The following CHCHD3 variants were observed in gnomAD, a reference collection of about 807,000 sequenced individuals.
CHCHD3 encodes MICOS complex subunit MIC19.
Under a neutral mutation model 38.2 loss-of-function variants are expected in CHCHD3, and 20 were observed. The ratio of observed to expected loss-of-function variants is 0.52; its 90% CI spans 0.37 to 0.76. The LOEUF is 0.76. Among genes scored for constraint, CHCHD3 ranks in the 30% least tolerant of loss-of-function variants. CHCHD3 has a pLI of 0.00. For missense variants in CHCHD3, 245 were observed against 279.2 expected (o/e 0.88, Z 0.87); for synonymous variants, 82 against 100.0 (o/e 0.82, Z 1.07).
intron 4 of CHCHD3, among the ~76,000 whole-genome samples, chr7:132,967,571 T>G (rs1811498068): frequency 6.6e-6 from 1 of 151,824 alleles, no homozygotes; most frequent in South Asian, 2.1e-4. Context: ...AGGGAGGATC[T>G]CCTGAGCACA....
At chr7:132,809,139 T>C (rs1158795040) in intron 6 of CHCHD3, among the ~76,000 whole-genome samples, 1 of 151,096 alleles carries the variant, frequency 6.6e-6, no homozygotes, top group African/African-American at 2.4e-5. Context: ...TTTTTTTTTT[T>C]TTGCTGAGAT....
rs150477596 is a variant in CHCHD3, at chr7:132,881,549, G to A, written c.453+4113C>T. ...CTCAGAATGATTCTGTAAAAGACTC[G>A]TTGATGCAACATCCCTCTCCATTAA... On this transcript the variant is annotated intron_variant, in intron 5 of 7. Transcript: ENST00000262570. Among the ~76,000 whole-genome samples the A allele has an allele frequency of 3.0e-3, 460 of 152,200 alleles. 1 individual carries two copies. Among genetic ancestry groups the A allele is most frequent in the African/African-American group, 0.01 (436 of 41,542 alleles).
intron 3 of CHCHD3, among the ~76,000 whole-genome samples, chr7:133,011,947 CAG>C (rs1812886703): frequency 6.6e-6 from 1 of 152,100 alleles, no homozygotes; most frequent in Admixed American, 6.5e-5. Context: ...TTAATTGAGA[CAG>C]AGTATTGCTC....
chr7:133,061,815 T>C (rs777925555), intron 2 of CHCHD3, among the ~76,000 whole-genome samples: 8 of 152,200 alleles, frequency 5.3e-5, no homozygotes, highest in Non-Finnish European at 1.0e-4. Flanking sequence ...AAGCATGCCA[T>C]AGCAATTCGG....
chr7:132,897,413 T>C (rs1030274599), intron 4 of CHCHD3, among the ~76,000 whole-genome samples: 5 of 152,222 alleles, frequency 3.3e-5, no homozygotes, highest in Admixed American at 2.0e-4. Flanking sequence ...TTGGGACCAA[T>C]TGGCCACTCA....
rs528603260 is a variant in CHCHD3, at chr7:132,990,161, G to A, written c.252-14875C>T. Reference sequence around the variant, plus strand: ...GCACTCCAACCTGGGAGACAAGAGCGAAACTCCATCTCAAAAAATAAATAA... The same window carrying A: ...GCACTCCAACCTGGGAGACAAGAGCAAAACTCCATCTCAAAAAATAAATAA... On this transcript the variant is annotated intron_variant, in intron 3 of 7. Coordinates refer to ENST00000262570, the MANE Select transcript of CHCHD3 (RefSeq NM_017812.4). Among the ~76,000 whole-genome samples the A allele has an allele frequency of 1.0e-3, 158 of 152,250 alleles. 2 individuals are homozygous for A. In the South Asian group the frequency reaches 0.016, roughly 16 times the overall value.
chr7:132,886,508 C>T lies in CHCHD3; in HGVS notation c.370-763G>A, dbSNP rs2117176946. 2.0e-5 allele frequency among the ~76,000 whole-genome samples: 3 copies of T among 151,556 alleles called. 1 individual carries two copies. In the South Asian group the frequency reaches 6.2e-4, roughly 32 times the overall value. ...TATCTTGAATATTATGTTTAATTGG[C>T]CTTTATCTCTGAGGGATGAGACTTT... is the stretch of plus-strand genomic sequence containing the variant. On this transcript the variant is annotated intron_variant, in intron 4 of 7. Coordinates refer to ENST00000262570, the MANE Select transcript of CHCHD3 (RefSeq NM_017812.4).
At chr7:132,816,184 C>T (rs984219752) in intron 6 of CHCHD3, among the ~76,000 whole-genome samples, 1 of 152,154 alleles carries the variant, frequency 6.6e-6, no homozygotes, top group Non-Finnish European at 1.5e-5. Flanking sequence ...ACAAAATCCA[C>T]AGTTTCTGAA....
chr7:132,868,789 C>G (rs1808693681), intron 5 of CHCHD3, among the ~76,000 whole-genome samples: 1 of 152,144 alleles, frequency 6.6e-6, no homozygotes, highest in Non-Finnish European at 1.5e-5. Flanking sequence ...TTAACCAGGA[C>G]TATTCACAAT....
chr7:132,945,285 C>A (rs982287560), intron 4 of CHCHD3, among the ~76,000 whole-genome samples: 1 of 151,812 alleles, frequency 6.6e-6, no homozygotes, highest in African/African-American at 2.4e-5. Flanking sequence ...AACATTAAAA[C>A]AATTAATTAA....
chr7:133,032,774 A>C lies in CHCHD3; in HGVS notation c.170-8147T>G, dbSNP rs377525316. On this transcript the variant is annotated intron_variant, in intron 2 of 7. Coordinates refer to ENST00000262570, the MANE Select transcript of CHCHD3 (RefSeq NM_017812.4). The stretch of plus-strand genomic sequence containing the variant: ...TCTTAATATTCTGAATAATAGTTGC[A>C]AGATCTCACACAGCCTCCAGGAAAA... Among the ~76,000 whole-genome samples the C allele has an allele frequency of 1.4e-4, 22 of 152,322 alleles. No homozygotes were observed. The East Asian group carries it at 2.7e-3, about 19-fold the overall frequency.
At chr7:132,881,544 G>C (rs1809057475) in intron 5 of CHCHD3, among the ~76,000 whole-genome samples, 2 of 152,116 alleles carry the variant, frequency 1.3e-5, no homozygotes, top group African/African-American at 4.8e-5. Context: ...TTCTGTAAAA[G>C]ACTCGTTGAT....
At chr7:132,965,249 C>T (rs1811431788) in intron 4 of CHCHD3, among the ~76,000 whole-genome samples, 1 of 152,060 alleles carries the variant, frequency 6.6e-6, no homozygotes, top group Admixed American at 6.5e-5. Flanking sequence ...AACAACAAAA[C>T]TAAATTTGCT....
chr7:132,915,282 GGGACA>G (rs1467746114), intron 4 of CHCHD3, among the ~76,000 whole-genome samples: 6 of 152,190 alleles, frequency 3.9e-5, no homozygotes, highest in African/African-American at 9.7e-5. Context: ...CATGGGGTCA[GGGACA>G]GGACAACTGG....
intron 4 of CHCHD3, among the ~76,000 whole-genome samples, chr7:132,919,100 CTTT>C (rs5887600): frequency 1.4e-5 from 1 of 69,492 alleles, no homozygotes; most frequent in African/African-American, 5.8e-5. Flanking sequence ...TGGGTTTATT[CTTT>C]TTTTTTTTTT....
intron 4 of CHCHD3, chr7:132,886,841 T>G (rs1809229905): frequency 2.2e-6 from 1 of 458,482 alleles, no homozygotes; most frequent in Non-Finnish European, 3.5e-6. Flanking sequence ...ATCCTTGTGC[T>G]ATTTCACCAA....
intron 4 of CHCHD3, among the ~76,000 whole-genome samples, chr7:132,901,365 C>T (rs1398656170): frequency 6.6e-6 from 1 of 152,174 alleles, no homozygotes; most frequent in Non-Finnish European, 1.5e-5. Context: ...AGCAACAGCG[C>T]ACACAAGATA....
At chr7:133,011,206 T>C (rs1466096660) in intron 3 of CHCHD3, among the ~76,000 whole-genome samples, 1 of 152,150 alleles carries the variant, frequency 6.6e-6, no homozygotes, top group Non-Finnish European at 1.5e-5. Context: ...TGTGTAACAA[T>C]AGGTAGAGGA....
chr7:132,993,020 A>G (rs892194049), intron 3 of CHCHD3, among the ~76,000 whole-genome samples: 2 of 152,200 alleles, frequency 1.3e-5, no homozygotes, highest in African/African-American at 2.4e-5. Context: ...GTGTCATTCC[A>G]TCTTCTAGCT....
Sources: allele counts gnomAD v4.1 joint callset (sites outside exome capture counted in the v4.1 genomes callset), GRCh38; gene constraint gnomAD v4.1.1; transcripts MANE v1.5; gene names NCBI Gene and HGNC (gene_info 2026-07-23, HGNC 2026-07-21).